The following PCSK6 variants were observed in gnomAD, a reference collection of about 807,000 sequenced individuals.
PCSK6 encodes the protein paired basic amino acid cleaving enzyme 4.
PCSK6 carries 85 observed loss-of-function variants against 123.3 expected under a neutral mutation model. The observed-to-expected ratio is 0.69, with a 90% CI of 0.58 to 0.83. The LOEUF (loss-of-function observed/expected upper bound fraction) is 0.83, where lower values mean the gene tolerates loss of function less well. PCSK6 is among the 40% of genes least tolerant of loss of function. PCSK6 has a pLI of 0.00. For synonymous variants in PCSK6, 508 were observed against 516.0 expected, an observed-to-expected ratio of 0.98 and a Z score of 0.21; for missense variants, 1,191 against 1,282.3, an observed-to-expected ratio of 0.93 and a Z score of 1.09.
chr15:101,434,721 C>G (rs1255768920), intron 2 of PCSK6, among the ~76,000 whole-genome samples: 1 of 152,204 alleles, frequency 6.6e-6, no homozygotes, highest in East Asian at 1.9e-4. Context: ...CACTGTACAA[C>G]AGATGACTGA....
chr15:101,478,895 G>A (rs1355181206), intron 1 of PCSK6, among the ~76,000 whole-genome samples: 1 of 152,230 alleles, frequency 6.6e-6, no homozygotes, highest in African/African-American at 2.4e-5. Flanking sequence ...CAGAAGTGAA[G>A]ATAACAAGGT....
intron 1 of PCSK6, 34 bp from the exon 2 acceptor site, chr15:101,443,694 T>C: frequency 2.7e-6 from 4 of 1,497,116 alleles, no homozygotes; most frequent in East Asian, 2.3e-5. Context: ...CATCAATTAA[T>C]AGTCTCACGA....
At chr15:101,430,240 C>T (rs1021321959) in intron 4 of PCSK6, among the ~76,000 whole-genome samples, 177 bp from the exon 5 acceptor site, 1 of 152,152 alleles carries the variant, frequency 6.6e-6, no homozygotes. Context: ...AAATACACGA[C>T]CTTAACCATT....
intron 6 of PCSK6, among the ~76,000 whole-genome samples, chr15:101,413,137 G>C (rs922954361): frequency 6.6e-6 from 1 of 152,118 alleles, no homozygotes; most frequent in East Asian, 1.9e-4. Flanking sequence ...GATTCACCAA[G>C]TTTACTTTCA....
Position 101,423,845 on chromosome 15 carries a change from A to G in PCSK6, c.823+4047T>C, listed in dbSNP as rs117945672. ...CACTAAGAAGCACAGAAAACCCAAG[A>G]TGGAATTAATACGAAGAAAACTACA... On this transcript the variant is annotated intron_variant, in intron 6 of 21. Transcript: ENST00000611716. Among the ~76,000 whole-genome samples the G allele has an allele frequency of 4.1e-3, 629 of 152,312 alleles. 5 individuals carry two copies. In the East Asian group the frequency reaches 0.054, roughly 13 times the overall value.
intron 2 of PCSK6, among the ~76,000 whole-genome samples, chr15:101,436,275 A>G (rs931632545): frequency 6.6e-6 from 1 of 152,152 alleles, no homozygotes; most frequent in Admixed American, 6.5e-5. Flanking sequence ...GGGCATACAC[A>G]GGCACCCTCC....
At position 101,401,250 on chromosome 15, in the gene PCSK6, G is replaced by A. The variant is rs115627412; in HGVS notation, c.824-2674C>T. ...TGTCAGCCACGTGGGCGTGGGCAGCGATGGAGGATGGGGCTGAAGTCACGG... is the reference window on the plus strand; with the variant it reads ...TGTCAGCCACGTGGGCGTGGGCAGCAATGGAGGATGGGGCTGAAGTCACGG... On this transcript the variant is annotated intron_variant, in intron 6 of 21. Transcript: ENST00000611716. Among the ~76,000 whole-genome samples the A allele has an allele frequency of 7.9e-3, 1,201 of 152,358 alleles. 15 individuals are homozygous for A. Among genetic ancestry groups the A allele is most frequent in the African/African-American group, 0.027 (1,142 of 41,592 alleles).
intron 18 of PCSK6, among the ~76,000 whole-genome samples, chr15:101,321,073 G>A (rs866880195): frequency 4.6e-5 from 7 of 152,306 alleles, no homozygotes; most frequent in African/African-American, 1.7e-4. Flanking sequence ...GGAACACAGA[G>A]CCTCCTCTTC....
chr15:101,448,438 G>T (rs775997302), intron 1 of PCSK6, among the ~76,000 whole-genome samples: 3 of 152,180 alleles, frequency 2.0e-5, no homozygotes, highest in Non-Finnish European at 4.4e-5. Context: ...GGTACAAAAG[G>T]GTACAGAGTT....
chr15:101,347,773 G>A (rs769042401), intron 13 of PCSK6: 5 of 1,613,454 alleles, frequency 3.1e-6, no homozygotes, highest in Non-Finnish European at 4.2e-6. Flanking sequence ...TTTAGTCCAG[G>A]TTCCCTGGAA....
chr15:101,324,114 A>T (rs2040194339), intron 17 of PCSK6, among the ~76,000 whole-genome samples: 1 of 152,220 alleles, frequency 6.6e-6, no homozygotes, highest in Non-Finnish European at 1.5e-5. Context: ...TCCCACCTCC[A>T]TCATGACTAG....
intron 13 of PCSK6, among the ~76,000 whole-genome samples, chr15:101,342,817 G>A (rs1277384506): frequency 1.3e-5 from 2 of 151,416 alleles, no homozygotes; most frequent in African/African-American, 2.4e-5. Context: ...CAGGAGAATC[G>A]TTTGAATCTG....
chr15:101,307,270 T>TA lies in PCSK6; in HGVS notation c.2754dup (p.Lys919Ter). 1 of 1,613,834 alleles carries TA rather than the reference T, an allele frequency of 6.2e-7. No homozygotes were observed. Among genetic ancestry groups the TA allele is most frequent in the Non-Finnish European group, 8.5e-7 (1 of 1,179,832 alleles). On this transcript the variant is annotated frameshift_variant, in exon 21 of 22. Transcript: ENST00000611716. LOFTEE classifies it high-confidence loss of function. The stretch of plus-strand genomic sequence containing the variant: ...GTCCCCAGCTGTGTGAAGCCCGTCT[T>TA]ACACCTGCTACAGTTCCTGCTGGAG...
chr15:101,396,410 C>A (rs1274078830), intron 7 of PCSK6, among the ~76,000 whole-genome samples: 1 of 152,162 alleles, frequency 6.6e-6, no homozygotes, highest in Non-Finnish European at 1.5e-5. Flanking sequence ...ATCCTAGGAG[C>A]TCCATCTTTG....
chr15:101,435,318 A>AAAAGAAAG (rs56796892), intron 2 of PCSK6, among the ~76,000 whole-genome samples: 1 of 148,100 alleles, frequency 6.8e-6, no homozygotes, highest in East Asian at 2.0e-4. Flanking sequence ...CTCAAAAAAA[A>AAAAGAAAG]AAAGAAAGAA....
Position 101,446,802 on chromosome 15 carries a change from C to T in PCSK6, c.298-3142G>A, listed in dbSNP as rs750055672. On this transcript the variant is annotated intron_variant, in intron 1 of 21. Coordinates refer to ENST00000611716, the MANE Select transcript of PCSK6 (RefSeq NM_002570.5). ...ACACGGAGTGACTCAAACACAGGTG[C>T]GGCTGCAAGCCTAGACCTTCAGCAT... Among the ~76,000 whole-genome samples, 6 of 152,352 alleles carry T rather than the reference C, an allele frequency of 3.9e-5. No homozygotes were observed. In the South Asian group the frequency reaches 6.2e-4, roughly 16 times the overall value.
At chr15:101,441,436 T>A (rs2056751224) in intron 2 of PCSK6, among the ~76,000 whole-genome samples, 1 of 152,054 alleles carries the variant, frequency 6.6e-6, no homozygotes, top group Non-Finnish European at 1.5e-5. Context: ...CACCGAGAAC[T>A]CAGCAACACA....
At chr15:101,381,485 A>G (rs1275333470) in intron 11 of PCSK6, among the ~76,000 whole-genome samples, 1 of 152,182 alleles carries the variant, frequency 6.6e-6, no homozygotes, top group Non-Finnish European at 1.5e-5. Context: ...CTTCTGCTCG[A>G]GCCTTGTTAA....
In PCSK6 at chr15:101,398,632, G is replaced by A. The variant is rs568926631; in HGVS notation, c.824-56C>T. 313 of 1,564,042 alleles carry A rather than the reference G, an allele frequency of 2.0e-4. No homozygotes were observed. The highest frequency in any genetic ancestry group is 3.8e-4 in the Middle Eastern group (2 of 5,332). The stretch of plus-strand genomic sequence containing the variant: ...GCCCAGGCTCCGGGCACACAGCGAC[G>A]GGAACCCGGGCCCAGGAGGCTCGGA... On this transcript the variant is annotated intron_variant, in intron 6 of 21. Transcript: ENST00000611716. The surrounding 1 kb of genome is among the most constrained non-coding windows in gnomAD (Gnocchi z 4.6).
Sources: allele counts gnomAD v4.1 joint callset (sites outside exome capture counted in the v4.1 genomes callset), GRCh38; gene constraint gnomAD v4.1.1; non-coding constraint Gnocchi (gnomAD v3.1); transcripts MANE v1.5; gene names NCBI Gene and HGNC (gene_info 2026-07-23, HGNC 2026-07-21).